The following VPS13C variants were observed in gnomAD, a reference collection of about 807,000 sequenced individuals.
The protein encoded by VPS13C is vacuolar protein sorting 13 homolog C, also known as intermembrane lipid transfer protein VPS13C.
Under a neutral mutation model 456.8 loss-of-function variants are expected in VPS13C, and 358 were observed. That is an observed-to-expected ratio of 0.78 (90% CI 0.72 to 0.86). The LOEUF (loss-of-function observed/expected upper bound fraction) is 0.86, where lower values mean the gene tolerates loss of function less well. Among genes scored for constraint, VPS13C ranks in the 40% least tolerant of loss-of-function variants. VPS13C has a pLI of 0.00. For synonymous variants in VPS13C, 1,578 were observed against 1,486.7 expected, an observed-to-expected ratio of 1.06 and a Z score of -1.41; for missense variants, 4,818 against 4,385.4, an observed-to-expected ratio of 1.10 and a Z score of -2.79.
intron 60 of VPS13C, 28 bp downstream of exon 60, chr15:61,917,313 A>ATGAT: frequency 6.2e-7 from 1 of 1,601,222 alleles, no homozygotes; most frequent in Non-Finnish European, 8.5e-7. Context: ...TGCAACAACA[A>ATGAT]AAATCAAACA....
chr15:61,883,011 T>C (rs796133217), intron 68 of VPS13C, among the ~76,000 whole-genome samples: 9 of 152,072 alleles, frequency 5.9e-5, no homozygotes, highest in African/African-American at 2.2e-4. Context: ...AAGTAACGAA[T>C]AGTTCCAGAT....
chr15:61,867,715 A>G lies in VPS13C; in HGVS notation c.10863+944T>C, dbSNP rs1894690906. 2.2e-6 allele frequency: 3 copies of G among 1,390,192 alleles called. No homozygotes were observed. Among genetic ancestry groups the G allele is most frequent in the African/African-American group, 1.5e-5 (1 of 67,280 alleles). 86.1% of individuals were successfully genotyped at this position (1,390,192 alleles called of 1,614,324 possible). On this transcript the variant is annotated intron_variant, in intron 81 of 84. Coordinates refer to ENST00000644861, the MANE Select transcript of VPS13C (RefSeq NM_020821.3). This position sits in a 1 kb window ranked among gnomAD's most constrained non-coding sequence, Gnocchi z 5.0. ...GATTCTCTGCATCCTTTAATATTTT[A>G]TACTAATCTCTTATTTCTGGACAGT...
rs141825962 is a variant in VPS13C, at chr15:61,917,318, C to G, written c.8055+23G>C. On this transcript the variant is annotated intron_variant, in intron 60 of 84. Transcript: ENST00000644861. ...ATTTACTCTGTGCAACAACAAAAAT[C>G]AAACAAAATGCAAGAGACATACCTC... The G allele has an allele frequency of 1.9e-4, 310 of 1,601,364 alleles. No individual in the cohort carries two copies. In the African/African-American group the frequency reaches 3.0e-3, roughly 15 times the overall value.
At chr15:62,022,407 T>C (rs1400883081) in intron 8 of VPS13C, among the ~76,000 whole-genome samples, 3 of 151,922 alleles carry the variant, frequency 2.0e-5, no homozygotes, top group Non-Finnish European at 2.9e-5. Context: ...CAGGTTCACT[T>C]TTCTCGACAT....
At chr15:61,971,019 T>G (rs1393077184) in intron 27 of VPS13C, among the ~76,000 whole-genome samples, 1 of 152,176 alleles carries the variant, frequency 6.6e-6, no homozygotes, top group Non-Finnish European at 1.5e-5. Flanking sequence ...TATTTTCCAG[T>G]ACCTAAAATA....
Position 61,963,965 on chromosome 15 carries a change from A to T in VPS13C, c.3215-14T>A. On this transcript the variant is annotated splice_polypyrimidine_tract_variant and intron_variant, in intron 31 of 84. Coordinates refer to ENST00000644861, the MANE Select transcript of VPS13C (RefSeq NM_020821.3). ...AGGATACAATCGCTAAAAATAAAAC[A>T]AAGCATCTGTCACATGGTGAGATTC... The T allele has an allele frequency of 6.6e-7, 1 of 1,513,598 alleles. No individual in the cohort carries two copies. Among genetic ancestry groups the T allele is most frequent in the Non-Finnish European group, 9.2e-7 (1 of 1,092,422 alleles). 93.8% of individuals were successfully genotyped at this position (1,513,598 alleles called of 1,614,324 possible).
intron 1 of VPS13C, among the ~76,000 whole-genome samples, chr15:62,048,841 T>G (rs1307458086): frequency 6.6e-6 from 1 of 152,220 alleles, no homozygotes; most frequent in Non-Finnish European, 1.5e-5. Context: ...GATTTGCATT[T>G]CTCTGATGGC....
At chr15:61,910,327 T>A in intron 63 of VPS13C, 22 bp from the exon 64 acceptor site, 1 of 1,485,450 alleles carries the variant, frequency 6.7e-7, no homozygotes, top group South Asian at 1.4e-5. Context: ...GAAGTTATTA[T>A]CAGTCTTAAG....
intron 3 of VPS13C, among the ~76,000 whole-genome samples, chr15:62,039,237 G>T (rs2048161667): frequency 6.6e-6 from 1 of 152,092 alleles, no homozygotes; most frequent in African/African-American, 2.4e-5. Context: ...TATATACCAT[G>T]CAATAGTATG....
At chr15:61,856,139 T>C in intron 83 of VPS13C, 147 bp downstream of exon 83, 1 of 976,334 alleles carries the variant, frequency 1.0e-6, no homozygotes, top group Admixed American at 3.4e-5. Flanking sequence ...AGTACAGTTA[T>C]TCAAATAAAT....
intron 73 of VPS13C, among the ~76,000 whole-genome samples, chr15:61,880,331 CA>C (rs1895754098): frequency 6.6e-6 from 1 of 152,086 alleles, no homozygotes; most frequent in Admixed American, 6.6e-5. Context: ...TAAACGTTGG[CA>C]AGCACTTCTA....
At chr15:61,964,327 C>T (rs558332243) in intron 31 of VPS13C, among the ~76,000 whole-genome samples, 133 of 152,046 alleles carry the variant, frequency 8.7e-4, no homozygotes, top group African/African-American at 2.9e-3. Flanking sequence ...CTGAACCCTT[C>T]CCTACCTTTG....
At chr15:61,866,807 T>C in intron 81 of VPS13C, 2 of 979,694 alleles carry the variant, frequency 2.0e-6, no homozygotes, top group South Asian at 9.4e-5. Context: ...AATTTATTAT[T>C]TTGATAACTG....
rs545186036 is a variant in VPS13C, at chr15:61,961,510, G to A, written c.3908+79C>T. 5.2e-5 allele frequency: 70 copies of A among 1,356,240 alleles called. No individual in the cohort carries two copies. In the South Asian group the frequency reaches 1.0e-3, roughly 20 times the overall value. 84.0% of individuals were successfully genotyped at this position (1,356,240 alleles called of 1,614,324 possible). A position where few individuals can be genotyped will look rare whatever the true frequency, so the allele number is the denominator to read the frequency against. On this transcript the variant is annotated intron_variant, in intron 35 of 84. Coordinates refer to ENST00000644861, the MANE Select transcript of VPS13C (RefSeq NM_020821.3). ...ACAGTTTATTTGAATAAACTGTGTT[G>A]GGTAGGAATTTCAAGTCATAAAATT...
intron 25 of VPS13C, 116 bp from the exon 26 acceptor site, chr15:61,973,648 C>T: frequency 2.8e-6 from 2 of 722,424 alleles, no homozygotes; most frequent in Non-Finnish European, 4.8e-6. Context: ...AAGACACATA[C>T]ACACAATATA....
At chr15:61,880,107 G>T (rs2140901312) in intron 73 of VPS13C, among the ~76,000 whole-genome samples, 1 of 152,038 alleles carries the variant, frequency 6.6e-6, no homozygotes, top group East Asian at 1.9e-4. Context: ...AACAACAAAA[G>T]GGAAAAAAGA....
intron 37 of VPS13C, among the ~76,000 whole-genome samples, chr15:61,958,050 T>TTA (rs943365908): frequency 1.3e-4 from 20 of 151,354 alleles, no homozygotes; most frequent in South Asian, 2.1e-4. Context: ...ATACAACATT[T>TTA]TATATATATA....
At chr15:61,946,928 G>A (rs1163416788) in intron 43 of VPS13C, among the ~76,000 whole-genome samples, 2 of 151,978 alleles carry the variant, frequency 1.3e-5, no homozygotes, top group Non-Finnish European at 2.9e-5. Context: ...AAAAAAATTT[G>A]TCATTCTCAG....
At chr15:61,974,743 A>G (rs1344165782) in intron 24 of VPS13C, among the ~76,000 whole-genome samples, 5 of 152,166 alleles carry the variant, frequency 3.3e-5, no homozygotes, top group Non-Finnish European at 7.4e-5. Context: ...TATAAACATC[A>G]AAGAGTATTT....
Sources: allele counts gnomAD v4.1 joint callset (sites outside exome capture counted in the v4.1 genomes callset), GRCh38; gene constraint gnomAD v4.1.1; non-coding constraint Gnocchi (gnomAD v3.1); transcripts MANE v1.5; gene names NCBI Gene and HGNC (gene_info 2026-07-23, HGNC 2026-07-21).